Variants in GALNT13 observed in about 807,000 individuals in gnomAD.
GALNT13 encodes the protein polypeptide N-acetylgalactosaminyltransferase 13, also known as UDP-GalNAc:polypeptide N-acetylgalactosaminyltransferase 13.
GALNT13 carries 28 observed loss-of-function variants against 64.2 expected under a neutral mutation model. The observed-to-expected ratio is 0.44, with a 90% CI of 0.32 to 0.60. The LOEUF is 0.60. Among genes scored for constraint, GALNT13 ranks in the 20% least tolerant of loss-of-function variants. GALNT13 has a pLI of 0.05. For missense variants in GALNT13, 577 were observed against 669.8 expected (o/e 0.86, Z 1.53); for synonymous variants, 214 against 224.6 (o/e 0.95, Z 0.42).
the GALNT13 span, among the ~76,000 whole-genome samples, chr2:153,244,480 G>T: frequency 6.6e-6 from 1 of 152,188 alleles, no homozygotes. Context: ...TACTGGTTAG[G>T]CAGTGGGTAC....
intron 9 of GALNT13, among the ~76,000 whole-genome samples, chr2:154,393,183 G>A (rs975434682): frequency 1.3e-5 from 2 of 152,016 alleles, no homozygotes; most frequent in Non-Finnish European, 2.9e-5. Flanking sequence ...AAGAGTTTGG[G>A]GAACAAGTAA....
intron 3 of GALNT13, among the ~76,000 whole-genome samples, chr2:154,113,029 G>A (rs2105495179): frequency 6.6e-6 from 1 of 152,242 alleles, no homozygotes; most frequent in East Asian, 1.9e-4. Flanking sequence ...ATGGCTAGAT[G>A]GGTCAGAAAG....
chr2:153,856,153 G>A, the GALNT13 span, among the ~76,000 whole-genome samples: 23 of 152,064 alleles, frequency 1.5e-4, no homozygotes, highest in African/African-American at 5.3e-4. Context: ...TTGTGGTGAT[G>A]GTTACACAGC....
At chr2:154,024,208 A>G (rs1366480010) in intron 3 of GALNT13, among the ~76,000 whole-genome samples, 9 of 151,852 alleles carry the variant, frequency 5.9e-5, no homozygotes, top group Admixed American at 3.9e-4. Flanking sequence ...TCTTTGTGGC[A>G]TTCTCTGTAT....
intron 3 of GALNT13, among the ~76,000 whole-genome samples, chr2:154,055,146 A>G (rs1236181979): frequency 6.6e-6 from 1 of 152,018 alleles, no homozygotes; most frequent in Non-Finnish European, 1.5e-5. Flanking sequence ...TTTTTGTCCT[A>G]TCATTGTTAT....
the GALNT13 span, among the ~76,000 whole-genome samples, chr2:153,222,106 T>C: frequency 6.6e-6 from 1 of 150,998 alleles, no homozygotes; most frequent in East Asian, 2.0e-4. Context: ...CCAGGAAAAA[T>C]GAGGTATGCG....
At chr2:154,287,138 AAGG>A in intron 8 of GALNT13, 7 of 1,395,556 alleles carry the variant, frequency 5.0e-6, no homozygotes, top group Non-Finnish European at 6.0e-6. Context: ...GACCTTTGAG[AAGG>A]AGTTCACAGA....
At chr2:154,424,688 G>A (rs1040085188) in intron 11 of GALNT13, among the ~76,000 whole-genome samples, 1 of 152,168 alleles carries the variant, frequency 6.6e-6, no homozygotes, top group African/African-American at 2.4e-5. Context: ...ATTCTACACT[G>A]GTTGCCAGGG....
At chr2:154,048,300 G>A (rs543281310) in intron 3 of GALNT13, among the ~76,000 whole-genome samples, 1 of 152,044 alleles carries the variant, frequency 6.6e-6, no homozygotes, top group Non-Finnish European at 1.5e-5. Context: ...TCCAACACTG[G>A]GTATTACAAT....
intron 2 of GALNT13, among the ~76,000 whole-genome samples, chr2:153,910,877 A>C (rs1483204545): frequency 6.6e-6 from 1 of 152,144 alleles, no homozygotes; most frequent in African/African-American, 2.4e-5. Context: ...GCCATGTGGC[A>C]ATGAGAATAA....
chr2:153,348,864 C>G, the GALNT13 span, among the ~76,000 whole-genome samples: 22,152 of 152,194 alleles, frequency 0.15, 1,669 homozygotes, highest in Non-Finnish European at 0.16. Context: ...AGGTGAGAGC[C>G]AGCATCACAG....
At chr2:153,619,429 G>A in the GALNT13 span, among the ~76,000 whole-genome samples, 5 of 152,010 alleles carry the variant, frequency 3.3e-5, no homozygotes, top group Non-Finnish European at 2.9e-5. Flanking sequence ...TTTCTACTTA[G>A]GGCATGAGTA....
chr2:154,144,413 TAAAAAGATATAGATACA>T (rs1683446994), intron 4 of GALNT13, among the ~76,000 whole-genome samples: 1 of 152,176 alleles, frequency 6.6e-6, no homozygotes, highest in African/African-American at 2.4e-5. Context: ...AATTATATCT[TAAAAAGATATAGATACA>T]TTAAGCTAGC....
chr2:153,153,194 C>T, the GALNT13 span, among the ~76,000 whole-genome samples: 1 of 151,750 alleles, frequency 6.6e-6, no homozygotes, highest in Non-Finnish European at 1.5e-5. Flanking sequence ...TGGCCACATG[C>T]ATATCTCCTT....
chr2:154,300,628 G>A (rs1447836891), intron 8 of GALNT13, among the ~76,000 whole-genome samples: 1 of 151,648 alleles, frequency 6.6e-6, no homozygotes, highest in Non-Finnish European at 1.5e-5. Context: ...TATAGAAATA[G>A]TATAAGCTAT....
chr2:153,301,140 G>A, the GALNT13 span, among the ~76,000 whole-genome samples: 2 of 151,808 alleles, frequency 1.3e-5, no homozygotes, highest in Non-Finnish European at 2.9e-5. Flanking sequence ...AGGCTGGAGT[G>A]AGCCGTGATC....
At chr2:153,642,292 G>C in the GALNT13 span, among the ~76,000 whole-genome samples, 3 of 151,716 alleles carry the variant, frequency 2.0e-5, no homozygotes, top group Non-Finnish European at 4.4e-5. Context: ...GGTCTTGTTT[G>C]CTTGTGTGTG....
At chr2:153,179,080 G>A in the GALNT13 span, among the ~76,000 whole-genome samples, 1 of 152,008 alleles carries the variant, frequency 6.6e-6, no homozygotes, top group Non-Finnish European at 1.5e-5. Context: ...TGTTGCCTGT[G>A]CTTTTGAGAT....
the GALNT13 span, among the ~76,000 whole-genome samples, chr2:153,390,903 A>G: frequency 3.9e-5 from 6 of 152,230 alleles, no homozygotes; most frequent in African/African-American, 1.4e-4. Context: ...AAAATTTTAT[A>G]ACATATTCAA....
Sources: gnomAD v4.1 joint callset for allele counts (sites outside exome capture counted in the v4.1 genomes callset) on GRCh38, gnomAD v4.1.1 for gene constraint, MANE v1.5 for transcripts, NCBI Gene and HGNC (gene_info 2026-07-23, HGNC 2026-07-21) for gene names.